RASGRP3: variants seen among roughly 807,000 people sequenced by gnomAD.
RASGRP3 encodes the protein RAS guanyl releasing protein 3.
A neutral mutation model predicts 82.7 loss-of-function variants in RASGRP3; 54 were observed. That is an observed-to-expected ratio of 0.65 (90% CI 0.52 to 0.82). RASGRP3 has a LOEUF of 0.82. Ranked by LOEUF, RASGRP3 falls within the 40% of genes least tolerant of loss-of-function variation. RASGRP3 has a pLI of 0.00. For missense variants in RASGRP3, 861 were observed against 828.9 expected, an observed-to-expected ratio of 1.04 and a Z score of -0.48; for synonymous variants, 309 against 300.5, an observed-to-expected ratio of 1.03 and a Z score of -0.29.
chr2:33,469,103 G>A (rs1426220803), intron 2 of RASGRP3, among the ~76,000 whole-genome samples: 1 of 151,900 alleles, frequency 6.6e-6, no homozygotes, highest in African/African-American at 2.4e-5. Flanking sequence ...CCTTTTTTAG[G>A]GAAGCTGACT....
At chr2:33,552,465 C>T (rs1193590459) in intron 14 of RASGRP3, among the ~76,000 whole-genome samples, 1 of 152,112 alleles carries the variant, frequency 6.6e-6, no homozygotes, top group African/African-American at 2.4e-5. Flanking sequence ...AAAATTTTTA[C>T]AGCTGTTTTT....
At chr2:33,557,220 C>T (rs1354814584) in intron 15 of RASGRP3, among the ~76,000 whole-genome samples, 1 of 152,102 alleles carries the variant, frequency 6.6e-6, no homozygotes, top group Non-Finnish European at 1.5e-5. Context: ...TTTTCTACCC[C>T]AAGTAGTAAT....
At chr2:33,505,763 A>T (rs1316454114) in intron 1 of RASGRP3, among the ~76,000 whole-genome samples, 1 of 152,234 alleles carries the variant, frequency 6.6e-6, no homozygotes, top group Non-Finnish European at 1.5e-5. Flanking sequence ...GAGTTGCCAT[A>T]GTAGGTCATA....
At chr2:33,515,465 T>C (rs748587567) in intron 3 of RASGRP3, among the ~76,000 whole-genome samples, 49 of 152,200 alleles carry the variant, frequency 3.2e-4, no homozygotes, top group Non-Finnish European at 6.3e-4. Flanking sequence ...CCACCATCCA[T>C]TGGTCATATT....
At chr2:33,462,929 AG>A in intron 2 of RASGRP3, among the ~76,000 whole-genome samples, 1 of 152,354 alleles carries the variant, frequency 6.6e-6, no homozygotes, top group African/African-American at 2.4e-5. Context: ...GATTCTCAGA[AG>A]AAATGCAGAG....
chr2:33,474,720 A>G (rs1193203375), upstream of RASGRP3, among the ~76,000 whole-genome samples: 1 of 152,124 alleles, frequency 6.6e-6, no homozygotes. Flanking sequence ...TGTAAGTTTC[A>G]CGAGGCCTCC....
chr2:33,512,749 A>G (rs1307799913), intron 2 of RASGRP3, among the ~76,000 whole-genome samples: 2 of 152,042 alleles, frequency 1.3e-5, no homozygotes, highest in African/African-American at 2.4e-5. Context: ...CCATTAATCC[A>G]CTCGTTTATT....
intron 1 of RASGRP3, among the ~76,000 whole-genome samples, chr2:33,510,574 C>T (rs767022987): frequency 7.2e-5 from 11 of 152,168 alleles, no homozygotes; most frequent in African/African-American, 1.7e-4. Context: ...CTCTCCCTTT[C>T]GCTTCTACAA....
intron 15 of RASGRP3, among the ~76,000 whole-genome samples, chr2:33,556,696 T>C (rs945275964): frequency 2.6e-5 from 4 of 152,202 alleles, no homozygotes; most frequent in African/African-American, 9.6e-5. Context: ...TCATTTTGCA[T>C]GAACAAAAAG....
At chr2:33,552,843 A>C (rs1241133574) in intron 14 of RASGRP3, among the ~76,000 whole-genome samples, 1 of 152,232 alleles carries the variant, frequency 6.6e-6, no homozygotes, top group Non-Finnish European at 1.5e-5. Context: ...AGTCACACCC[A>C]GGTCTCCTGA....
intron 2 of RASGRP3, among the ~76,000 whole-genome samples, chr2:33,455,039 G>C (rs1665968106): frequency 6.6e-6 from 1 of 152,156 alleles, no homozygotes; most frequent in Middle Eastern, 3.2e-3. Context: ...AGGGGTGGTT[G>C]AATGTGGTGA....
At chr2:33,518,650 CT>C (rs140705307) in intron 4 of RASGRP3, among the ~76,000 whole-genome samples, 1 of 152,256 alleles carries the variant, frequency 6.6e-6, no homozygotes, top group Non-Finnish European at 1.5e-5. Context: ...ATATATTGCA[CT>C]GCTGTAAAAA....
At chr2:33,440,102 A>C (rs1665146198) in intron 1 of RASGRP3, among the ~76,000 whole-genome samples, 2 of 152,150 alleles carry the variant, frequency 1.3e-5, no homozygotes, top group Non-Finnish European at 2.9e-5. Flanking sequence ...GGAGTTAGTG[A>C]GAGGGATGGG....
chr2:33,450,971 G>A (rs1042987215), intron 2 of RASGRP3, among the ~76,000 whole-genome samples: 5 of 150,670 alleles, frequency 3.3e-5, no homozygotes, highest in African/African-American at 1.2e-4. Flanking sequence ...CTGAGTAGCT[G>A]GGACTACAGG....
At chr2:33,481,539 T>G (rs1049380227) in intron 1 of RASGRP3, 1 of 151,810 alleles carries the variant, frequency 6.6e-6, no homozygotes, top group African/African-American at 2.4e-5. Context: ...GGAATTATCT[T>G]TGGTGATAAA....
At chr2:33,471,417 G>A (rs7569172) in intron 2 of RASGRP3, among the ~76,000 whole-genome samples, 122,326 of 149,400 alleles carry the variant, frequency 0.82, 50,196 homozygotes, top group South Asian at 0.88. Context: ...CCTGGCTTCA[G>A]GTGATCCTGC....
intron 1 of RASGRP3, among the ~76,000 whole-genome samples, chr2:33,439,654 T>C (rs1367897299): frequency 6.6e-6 from 1 of 152,226 alleles, no homozygotes; most frequent in African/African-American, 2.4e-5. Context: ...CCCTGTATTC[T>C]GATTTCCCAA....
chr2:33,468,886 T>TA (rs1486969315), intron 2 of RASGRP3, among the ~76,000 whole-genome samples: 1 of 152,232 alleles, frequency 6.6e-6, no homozygotes, highest in African/African-American at 2.4e-5. Context: ...CAGGAACTGC[T>TA]GAGTTAAAGG....
rs1553350090 is a variant in RASGRP3 at position 33,514,521 on chromosome 2, A to AAAAAAC, written c.-127-484_-127-483insCAAAAA. 1.0e-3 allele frequency among the ~76,000 whole-genome samples: 152 copies of AAAAAAC among 148,892 alleles called. 1 individual carries two copies. Among genetic ancestry groups the AAAAAAC allele is most frequent in the African/African-American group, 2.9e-3 (119 of 40,596 alleles). On this transcript the variant is annotated intron_variant, in intron 2 of 17. Transcript: ENST00000403687. ...CCATCTCTACAAAAAAAAAAAAAAA[A>AAAAAAC]AAAAAACCCAAAAAATAGCCAGGAG...
Sources: gnomAD v4.1 joint callset for allele counts (sites outside exome capture counted in the v4.1 genomes callset) on GRCh38, gnomAD v4.1.1 for gene constraint, MANE v1.5 for transcripts, NCBI Gene and HGNC (gene_info 2026-07-23, HGNC 2026-07-21) for gene names.